Variants in CHPT1 observed in about 807,000 individuals in gnomAD.
The protein encoded by CHPT1 is choline phosphotransferase 1.
In CHPT1, 36 loss-of-function variants were observed where a neutral mutation model predicts 47.6. The observed-to-expected ratio is 0.76, with a 90% CI of 0.58 to 1.00. The LOEUF is 1.00. CHPT1 is among the 50% of genes least tolerant of loss of function. CHPT1 has a pLI of 0.00. For synonymous variants in CHPT1, 194 were observed against 186.3 expected (o/e 1.04, Z -0.33); for missense variants, 458 against 498.1 (o/e 0.92, Z 0.77).
At chr12:101,728,074 AC>A (rs1261347380) in intron 8 of CHPT1, 1 of 152,232 alleles carries the variant, frequency 6.6e-6, no homozygotes, top group African/African-American at 2.4e-5. Context: ...ACATGGCGAA[AC>A]CCCGTCTCTA....
chr12:101,714,564 T>C lies in CHPT1; in HGVS notation c.482T>C (p.Phe161Ser). 1.9e-6 allele frequency: 3 copies of C among 1,613,384 alleles called. No homozygotes were observed. Among genetic ancestry groups the C allele is most frequent in the Non-Finnish European group, 2.5e-6 (3 of 1,179,682 alleles). Residue 161 changes from phenylalanine (F) to serine (S), a missense_variant, in exon 3 of 9, where the codon TTT becomes TCT. By Grantham distance (155) the Phe-to-Ser change is radical. Transcript: ENST00000229266. ...TTAGGAACTTATCCTGACTGGTTTT[T>C]TTTCTGCTCTTTTATTGGGATGTTT... ...ARLGTYPDWF[F>S]FCSFIGMFVF...
chr12:101,721,219 C>T (rs772998678), intron 5 of CHPT1, among the ~76,000 whole-genome samples: 4 of 151,888 alleles, frequency 2.6e-5, no homozygotes, highest in African/African-American at 7.3e-5. Flanking sequence ...AACCAGGAGG[C>T]GGCGGTTGCA....
chr12:101,710,467 A>G (rs899196736), intron 1 of CHPT1, among the ~76,000 whole-genome samples: 1 of 149,180 alleles, frequency 6.7e-6, no homozygotes, highest in Non-Finnish European at 1.5e-5. Flanking sequence ...CACTGACTCC[A>G]GTAAACCTTT....
In CHPT1 at chr12:101,697,671, C is replaced by G. The variant is rs1293591837; in HGVS notation, c.-191C>G. On this transcript the variant is annotated 5_prime_UTR_variant, in exon 1 of 9. Transcript: ENST00000229266. ...CCCGCGAGCCGCAGCCGCGGCCCCA[C>G]AGCTTCTGGGGCTGGGGCCCCGGCA... The G allele has an allele frequency of 6.1e-6, 1 of 164,508 alleles. No homozygotes were observed. The highest frequency in any genetic ancestry group is 2.4e-5 in the African/African-American group (1 of 41,580). The allele number at this position is 164,508 out of a possible 1,614,324, so 10.2% of individuals were successfully genotyped here.
intron 1 of CHPT1, among the ~76,000 whole-genome samples, chr12:101,708,436 T>C (rs1951661146): frequency 6.6e-6 from 1 of 152,100 alleles, no homozygotes; most frequent in Non-Finnish European, 1.5e-5. Flanking sequence ...TAAAATTCAT[T>C]GTTAGGGAAG....
chr12:101,716,797 AATGTGGGACT>A lies in CHPT1; in HGVS notation c.636_645del (p.Met212IlefsTer6). On this transcript the variant is annotated frameshift_variant, in exon 4 of 9. Coordinates refer to ENST00000229266, the MANE Select transcript of CHPT1 (RefSeq NM_020244.3). LOFTEE classifies it high-confidence loss of function. ...TGTTGTCTGCATTTGGAGGAGCAAC[AATGTGGGACT>A]ATACGGTAAATCTGAATATTTAAAT... The A allele has an allele frequency of 6.3e-7, 1 of 1,599,896 alleles. No individual in the cohort carries two copies. The highest frequency in any genetic ancestry group is 8.5e-7 in the Non-Finnish European group (1 of 1,171,078).
intron 4 of CHPT1, chr12:101,719,899 C>T (rs1051052273): frequency 3.6e-5 from 9 of 253,040 alleles, no homozygotes; most frequent in African/African-American, 1.8e-4. Context: ...CCCCTCACTA[C>T]TGTACTTGGC....
chr12:101,724,976 C>T (rs916500535), intron 7 of CHPT1, among the ~76,000 whole-genome samples: 19 of 152,132 alleles, frequency 1.2e-4, no homozygotes, highest in African/African-American at 4.6e-4. Context: ...TCTGGACCCA[C>T]TGGTTGTCAC....
At position 101,711,566 on chromosome 12, in the gene CHPT1, T is replaced by TACA. The variant is rs149866062; in HGVS notation, c.274-2523_274-2521dup. On this transcript the variant is annotated intron_variant, in intron 1 of 8. Transcript: ENST00000229266. ...AAATGGGAAGAGGCAGGTCAAAGGA[T>TACA]ACATTACAGCTTTGCAAGATGAGCA... Among the ~76,000 whole-genome samples the TACA allele has an allele frequency of 0.024, 3,492 of 148,172 alleles. 607 individuals are homozygous for TACA. The East Asian group carries it at 0.35, about 15-fold the overall frequency.
chr12:101,723,697 A>T (rs776680337), intron 6 of CHPT1, 25 bp from the exon 7 acceptor site: 5 of 1,367,690 alleles, frequency 3.7e-6, no homozygotes, highest in Non-Finnish European at 5.0e-6. Context: ...TAATAGTAAA[A>T]TTATTTTGTT....
At chr12:101,708,348 A>G (rs1309993345) in intron 1 of CHPT1, among the ~76,000 whole-genome samples, 3 of 151,934 alleles carry the variant, frequency 2.0e-5, no homozygotes, top group African/African-American at 7.2e-5. Flanking sequence ...TTTTTTTTTA[A>G]TGACAAGGGG....
intron 1 of CHPT1, 108 bp downstream of exon 1, chr12:101,698,242 C>T (rs1244957705): frequency 6.7e-6 from 9 of 1,336,610 alleles, no homozygotes; most frequent in Non-Finnish European, 8.6e-6. Flanking sequence ...CTCCCGGGCC[C>T]CGGAGGGGCG....
At chr12:101,701,868 A>C (rs1951559339) in intron 1 of CHPT1, among the ~76,000 whole-genome samples, 2 of 152,188 alleles carry the variant, frequency 1.3e-5, no homozygotes, top group African/African-American at 4.8e-5. Flanking sequence ...GATGTTTTTC[A>C]ACCCTTATTC....
In CHPT1 at chr12:101,716,754, C is replaced by T; in HGVS notation, c.590C>T (p.Ala197Val). The T allele has an allele frequency of 3.7e-6, 6 of 1,608,168 alleles. No homozygotes were observed. The highest frequency in any genetic ancestry group is 5.1e-6 in the Non-Finnish European group (6 of 1,177,256). ...GKVDVTEIQIALVIVFVLSAF... is the reference protein window; with the variant it reads ...GKVDVTEIQIVLVIVFVLSAF... ...GTGGATGTAACTGAAATTCAGATAG[C>T]TTTAGTGATTGTCTTTGTGTTGTCT... Residue 197 changes from alanine (A) to valine (V), a missense_variant, in exon 4 of 9, where the codon GCT (alanine) becomes GTT (valine). Transcript: ENST00000229266.
At position 101,698,042 on chromosome 12, in the gene CHPT1, A is replaced by G. The variant is rs1951489909; in HGVS notation, c.181A>G (p.Met61Val). ...TWLLQWIPLW[M>V]APNSITLLGL... ...GCTGCTCCAGTGGATCCCGCTCTGG[A>G]TGGCCCCCAACTCCATCACCCTGCT... is the stretch of plus-strand genomic sequence containing the variant. The change falls in exon 1 of 9, where the codon ATG (methionine) becomes GTG (valine). Residue 61 changes from methionine (M) to valine (V), a missense_variant. Transcript: ENST00000229266. The G allele has an allele frequency of 7.0e-6, 11 of 1,579,476 alleles. No individual in the cohort carries two copies. Among genetic ancestry groups the G allele is most frequent in the Non-Finnish European group, 9.4e-6 (11 of 1,171,318 alleles).
chr12:101,728,815 T>C (rs1183925332), intron 8 of CHPT1, 86 bp from the exon 9 acceptor site: 2 of 1,500,884 alleles, frequency 1.3e-6, no homozygotes, highest in African/African-American at 2.8e-5. Flanking sequence ...GAAACAGGTT[T>C]ATGATTAAAG....
chr12:101,728,039 C>CAGG (rs1219286157), intron 8 of CHPT1: 1 of 152,270 alleles, frequency 6.6e-6, no homozygotes, highest in African/African-American at 2.4e-5. Flanking sequence ...CATTTGAAGT[C>CAGG]AGGAGTTCGA....
At chr12:101,724,933 G>A (rs190869777) in intron 7 of CHPT1, among the ~76,000 whole-genome samples, 2 of 152,030 alleles carry the variant, frequency 1.3e-5, no homozygotes, top group African/African-American at 4.8e-5. Context: ...TCCAATTAAT[G>A]GTGGCTTTGA....
intron 1 of CHPT1, among the ~76,000 whole-genome samples, chr12:101,707,388 G>A (rs1200442259): frequency 6.6e-6 from 1 of 152,220 alleles, no homozygotes; most frequent in Non-Finnish European, 1.5e-5. Flanking sequence ...GATTAGTTTA[G>A]GAGTGGCCAG....
Sources: allele counts gnomAD v4.1 joint callset (sites outside exome capture counted in the v4.1 genomes callset), GRCh38; gene constraint gnomAD v4.1.1; transcripts MANE v1.5; gene names NCBI Gene and HGNC (gene_info 2026-07-23, HGNC 2026-07-21).